The following TENM1 variants were observed in gnomAD, a reference collection of about 807,000 sequenced individuals.
TENM1 encodes teneurin transmembrane protein 1, also known as teneurin-1.
In TENM1, 35 loss-of-function variants were observed where a neutral mutation model predicts 174.8. The ratio of observed to expected loss-of-function variants is 0.20; its 90% CI spans 0.15 to 0.27. The LOEUF (loss-of-function observed/expected upper bound fraction) is 0.27, where lower values mean the gene tolerates loss of function less well. Among genes scored for constraint, TENM1 ranks in the 10% least tolerant of loss-of-function variants. The pLI, the probability that TENM1 is intolerant of heterozygous loss-of-function variation, is 1.00. For synonymous variants in TENM1, 781 were observed against 798.7 expected (o/e 0.98, Z 0.37); for missense variants, 1,633 against 2,130.1 (o/e 0.77, Z 4.59).
chrX:124,806,908 G>A (rs1022371764), intron 3 of TENM1, among the ~76,000 whole-genome samples: 9 of 111,346 alleles, frequency 8.1e-5, no homozygotes, highest in African/African-American at 2.9e-4. Flanking sequence ...AGAAATACCT[G>A]AGGCTAGGTA....
chrX:125,051,934 C>T, the TENM1 span, among the ~76,000 whole-genome samples: 1 of 108,220 alleles, frequency 9.2e-6, no homozygotes, highest in Admixed American at 9.8e-5. Flanking sequence ...AAAATTTTTG[C>T]AACCTTCTCA....
rs1289092852 is a variant in TENM1, at chrX:124,529,599, G to T, written c.2771+265C>A. Among the ~76,000 whole-genome samples the T allele has an allele frequency of 2.7e-5, 3 of 111,988 alleles. No individual in the cohort carries two copies. In the East Asian group the frequency reaches 8.4e-4, roughly 31 times the overall value. On this transcript the variant is annotated intron_variant, in intron 16 of 31. Coordinates refer to ENST00000422452, the Ensembl canonical transcript of TENM1. ...CATTTGCATAATGTCACTGATCTTT[G>T]AAGTTGGATTTATAGATGGAATTAG...
chrX:124,983,794 G>T, the TENM1 span, among the ~76,000 whole-genome samples: 6 of 110,213 alleles, frequency 5.4e-5, 1 homozygote, highest in South Asian at 2.4e-3. Flanking sequence ...CTAATTTTTT[G>T]TATTTTTAGT....
intron 23 of TENM1, among the ~76,000 whole-genome samples, chrX:124,445,780 T>C (rs1465407320): frequency 8.9e-6 from 1 of 112,398 alleles, no homozygotes; most frequent in Non-Finnish European, 1.9e-5. Context: ...AGTAACTTGC[T>C]ATCCCATCAA....
At chrX:125,059,491 C>T in the TENM1 span, among the ~76,000 whole-genome samples, 21 of 110,083 alleles carry the variant, frequency 1.9e-4, no homozygotes, top group South Asian at 7.0e-3. Context: ...GCATGAATCC[C>T]GCAACAGGTC....
the TENM1 span, among the ~76,000 whole-genome samples, chrX:125,023,328 A>G: frequency 9.0e-6 from 1 of 110,986 alleles, no homozygotes; most frequent in African/African-American, 3.3e-5. Flanking sequence ...CTTCTCCTCC[A>G]CCTTCCACGA....
At chrX:125,044,787 T>C in the TENM1 span, among the ~76,000 whole-genome samples, 1 of 111,125 alleles carries the variant, frequency 9.0e-6, no homozygotes, top group African/African-American at 3.3e-5. Flanking sequence ...AATGGAAAGC[T>C]AACATACTAC....
At chrX:125,181,561 A>G in the TENM1 span, among the ~76,000 whole-genome samples, 7 of 111,783 alleles carry the variant, frequency 6.3e-5, no homozygotes, top group East Asian at 2.8e-4. Flanking sequence ...TAGTGCCTAT[A>G]TCATTCTTCC....
intron 3 of TENM1, among the ~76,000 whole-genome samples, chrX:124,789,406 T>A (rs1163342891): frequency 1.8e-5 from 2 of 111,801 alleles, no homozygotes; most frequent in African/African-American, 3.3e-5. Context: ...GCAGCCAGCT[T>A]GAATTTCTCC....
At chrX:124,690,484 A>AGTGTGTGTGTGTGT (rs58386633) in intron 5 of TENM1, among the ~76,000 whole-genome samples, 2 of 93,490 alleles carry the variant, frequency 2.1e-5, no homozygotes, top group Admixed American at 1.2e-4. Flanking sequence ...GCTTTGTTAG[A>AGTGTGTGTGTGTGT]GTGTGTGTGT....
intron 5 of TENM1, among the ~76,000 whole-genome samples, chrX:124,687,786 A>G (rs1296094695): frequency 8.9e-6 from 1 of 112,432 alleles, no homozygotes; most frequent in Admixed American, 9.4e-5. Context: ...AACACTTCTT[A>G]AAAGAGACAA....
intron 3 of TENM1, among the ~76,000 whole-genome samples, chrX:124,776,238 T>C (rs2054780867): frequency 9.0e-6 from 1 of 111,609 alleles, no homozygotes; most frequent in Non-Finnish European, 1.9e-5. Context: ...AGGATGTACT[T>C]CAGGAAGCAT....
intron 11 of TENM1, among the ~76,000 whole-genome samples, chrX:124,612,237 A>G (rs1354363802): frequency 9.0e-6 from 1 of 111,096 alleles, no homozygotes; most frequent in African/African-American, 3.3e-5. Context: ...ACATGCATAC[A>G]TATGTGTGTG....
At chrX:124,705,335 C>A in intron 4 of TENM1, 84 bp from the exon 8 acceptor site, 1 of 705,674 alleles carries the variant, frequency 1.4e-6, no homozygotes, top group South Asian at 2.9e-5. Context: ...TTCAAACAAT[C>A]ATGCTATAGC....
chrX:124,460,907 C>A (rs2061165042), intron 22 of TENM1, among the ~76,000 whole-genome samples: 1 of 111,641 alleles, frequency 9.0e-6, no homozygotes, highest in African/African-American at 3.3e-5. Context: ...AAATTATCCA[C>A]AAAATGTTTT....
chrX:124,503,662 G>A (rs752229176), exon 19 of TENM1: 1 of 1,204,979 alleles, frequency 8.3e-7, no homozygotes, highest in Admixed American at 2.2e-5. Context: ...TGCTCCCAGA[G>A]AATAAAGTCA....
Position 124,384,775 on chromosome X carries a change from A to G in TENM1, c.6156T>C (p.Asn2052=), listed in dbSNP as rs1180170951. 4 of 1,209,809 alleles carry G rather than the reference A, an allele frequency of 3.3e-6. No individual in the cohort carries two copies. The South Asian group carries it at 5.3e-5, about 16-fold the overall frequency. The change falls in exon 30 of 32, where the codon AAT becomes AAC. Residue 2052 remains asparagine (N), a synonymous_variant. Coordinates refer to ENST00000422452, the Ensembl canonical transcript of TENM1. ...CAGCTTGCATGCTTGTGACTCGGAA[A>G]TTGTTGTAGCTGTAGTCGAACCGTG...
intron 3 of TENM1, among the ~76,000 whole-genome samples, chrX:124,748,740 A>T (rs1046499374): frequency 8.9e-6 from 1 of 112,363 alleles, no homozygotes; most frequent in South Asian, 3.6e-4. Flanking sequence ...TACAGATATT[A>T]GAATCAGACC....
At chrX:125,147,124 TATAC>T in the TENM1 span, among the ~76,000 whole-genome samples, 2 of 108,472 alleles carry the variant, frequency 1.8e-5, no homozygotes, top group East Asian at 5.7e-4. Context: ...CTTATTTATA[TATAC>T]ACACATATGT....
Sources: gnomAD v4.1 joint callset for allele counts (sites outside exome capture counted in the v4.1 genomes callset) on GRCh38, gnomAD v4.1.1 for gene constraint, MANE v1.5 for transcripts, NCBI Gene and HGNC (gene_info 2026-07-23, HGNC 2026-07-21) for gene names.